ZNF431: variants seen among roughly 807,000 people sequenced by gnomAD.
ZNF431 encodes zinc finger protein 431.
ZNF431 carries 34 observed loss-of-function variants against 57.0 expected under a neutral mutation model. That is an observed-to-expected ratio of 0.60 (90% confidence interval 0.45 to 0.79). ZNF431 has a LOEUF of 0.79. Ranked by LOEUF, ZNF431 falls within the 30% of genes least tolerant of loss-of-function variation. ZNF431 has a pLI of 0.00. For synonymous variants in ZNF431, 207 were observed against 220.3 expected (o/e 0.94, Z 0.54); for missense variants, 607 against 667.1 (o/e 0.91, Z 0.99).
At position 21,187,024 on chromosome 19, in the gene ZNF431, C is replaced by A. The variant is rs1444716774; in HGVS notation, c.*2990C>A. ...ATATAAATGTAGCAAACATATATTA[C>A]AGTTTTCACTGTGTAATAGATTATC... On this transcript the variant is annotated 3_prime_UTR_variant, in exon 5 of 5. Coordinates refer to ENST00000311048, the MANE Select transcript of ZNF431 (RefSeq NM_133473.4). 6.6e-6 allele frequency: 1 copy of A among 152,156 alleles called. No individual in the cohort carries two copies. The highest frequency in any genetic ancestry group is 1.9e-4 in the East Asian group (1 of 5,194). 9.4% of individuals were successfully genotyped at this position (152,156 alleles called of 1,614,324 possible).
At chr19:21,163,363 A>G (rs368434784) in intron 2 of ZNF431, among the ~76,000 whole-genome samples, 1 of 152,216 alleles carries the variant, frequency 6.6e-6, no homozygotes, top group Non-Finnish European at 1.5e-5. Flanking sequence ...GCTGAGTGTA[A>G]GGGACTCTGT....
rs1385720788 is a variant in ZNF431 at position 21,146,424 on chromosome 19, AAAAG to A, written c.96+2784_96+2787del. Among the ~76,000 whole-genome samples, 323 of 151,652 alleles carry A rather than the reference AAAAG, an allele frequency of 2.1e-3. 1 individual carries two copies. Among genetic ancestry groups the A allele is most frequent in the East Asian group, 7.5e-3 (39 of 5,168 alleles). Reference sequence around the variant, plus strand: ...CACTCTGTCTGAAAAAAAAAAAAAAAAAAGAAGAAGAAAGAAAGTAAAGGAATAA... The same window carrying A: ...CACTCTGTCTGAAAAAAAAAAAAAAAAAGAAGAAAGAAAGTAAAGGAATAA... On this transcript the variant is annotated intron_variant, in intron 2 of 4. Transcript: ENST00000311048.
rs1016131209 is a variant in ZNF431, at chr19:21,195,917, T to C, written c.*11883T>C. 2 of 152,242 alleles carry C rather than the reference T, an allele frequency of 1.3e-5. No individual in the cohort carries two copies. Among genetic ancestry groups the C allele is most frequent in the Non-Finnish European group, 1.5e-5 (1 of 68,030 alleles). 9.4% of individuals were successfully genotyped at this position (152,242 alleles called of 1,614,324 possible). A position where few individuals can be genotyped will look rare whatever the true frequency, so the allele number is the denominator to read the frequency against. ...AGCAAAGCAATTATTTTTCTCTTTT[T>C]AACTGGAAATCATATTCGTAAGTTG... On this transcript the variant is annotated 3_prime_UTR_variant, in exon 5 of 5. Transcript: ENST00000311048.
intron 4 of ZNF431, among the ~76,000 whole-genome samples, chr19:21,169,340 C>T (rs1239935577): frequency 6.6e-6 from 1 of 152,114 alleles, no homozygotes; most frequent in African/African-American, 2.4e-5. Flanking sequence ...TTGACTAATT[C>T]TTGTGCCACA....
intron 4 of ZNF431, among the ~76,000 whole-genome samples, chr19:21,169,301 T>G (rs1161411275): frequency 6.6e-6 from 1 of 152,168 alleles, no homozygotes; most frequent in Non-Finnish European, 1.5e-5. Context: ...TTATTTCTCT[T>G]TAATTCCAAT....
chr19:21,149,862 G>A, intron 2 of ZNF431: 1 of 648,560 alleles, frequency 1.5e-6, no homozygotes, highest in Non-Finnish European at 2.9e-6. Flanking sequence ...GTCTTCCTGT[G>A]GACTAGACGT....
At chr19:21,177,838 A>T (rs950286663) in intron 4 of ZNF431, among the ~76,000 whole-genome samples, 2 of 151,938 alleles carry the variant, frequency 1.3e-5, no homozygotes, top group African/African-American at 4.8e-5. Flanking sequence ...GGGTTTTCAT[A>T]TGAGTTTTAA....
chr19:21,190,941 C>T lies in ZNF431; in HGVS notation c.*6907C>T, dbSNP rs1455452786. 3 of 151,980 alleles carry T rather than the reference C, an allele frequency of 2.0e-5. No individual in the cohort carries two copies. The highest frequency in any genetic ancestry group is 2.9e-5 in the Non-Finnish European group (2 of 68,008). 9.4% of individuals were successfully genotyped at this position (151,980 alleles called of 1,614,324 possible). A position where few individuals can be genotyped will look rare whatever the true frequency, so the allele number is the denominator to read the frequency against. On this transcript the variant is annotated 3_prime_UTR_variant, in exon 5 of 5. Coordinates refer to ENST00000311048, the MANE Select transcript of ZNF431 (RefSeq NM_133473.4). ...AAAGTGCTGAGATTACAGGCATGAG[C>T]CACCGCGTCCGGCCTATTATTTTTA... is the stretch of plus-strand genomic sequence containing the variant.
chr19:21,168,914 CTTTT>C (rs1207050355), intron 4 of ZNF431, among the ~76,000 whole-genome samples: 1 of 151,540 alleles, frequency 6.6e-6, no homozygotes, highest in African/African-American at 2.4e-5. Context: ...ACAAATTTTT[CTTTT>C]TTTTCTTTTT....
intron 2 of ZNF431, among the ~76,000 whole-genome samples, chr19:21,161,039 G>A (rs778575006): frequency 7.9e-5 from 12 of 152,036 alleles, no homozygotes; most frequent in Non-Finnish European, 1.6e-4. Context: ...TTGGTGGCAC[G>A]TGCCTGTAAT....
chr19:21,187,992 C>T lies in ZNF431; in HGVS notation c.*3958C>T, dbSNP rs1971418043. On this transcript the variant is annotated 3_prime_UTR_variant, in exon 5 of 5. Transcript: ENST00000311048. ...ACAGTTAAAAGGCAGCCAGGTGTGG[C>T]TCACGCCTGTAATCCCAGCACTGAG... The T allele has an allele frequency of 6.6e-6, 1 of 152,152 alleles. No homozygotes were observed. The highest frequency in any genetic ancestry group is 1.5e-5 in the Non-Finnish European group (1 of 68,052). 9.4% of individuals were successfully genotyped at this position (152,152 alleles called of 1,614,324 possible).
intron 4 of ZNF431, 135 bp from the exon 5 acceptor site, chr19:21,182,488 T>A: frequency 1.0e-6 from 1 of 990,066 alleles, no homozygotes; most frequent in South Asian, 2.0e-5. Context: ...TTTATATGTC[T>A]ATGAAGGATT....
At position 21,192,673 on chromosome 19, in the gene ZNF431, T is replaced by A. The variant is rs908262534; in HGVS notation, c.*8639T>A. On this transcript the variant is annotated 3_prime_UTR_variant, in exon 5 of 5. Transcript: ENST00000311048. ...GGCATCCTTGCCTTGTTCTAGCTCT[T>A]AGAGTAAAAGCTTACAACATATCCC... 21 of 152,188 alleles carry A rather than the reference T, an allele frequency of 1.4e-4. No individual in the cohort carries two copies. The highest frequency in any genetic ancestry group is 5.1e-4 in the African/African-American group (21 of 41,440). The allele number at this position is 152,188 out of a possible 1,614,324, so 9.4% of individuals were successfully genotyped here. A position where few individuals can be genotyped will look rare whatever the true frequency, so the allele number is the denominator to read the frequency against.
In ZNF431 at chr19:21,175,824, A is replaced by G. The variant is rs185541131; in HGVS notation, c.320-6799A>G. 4.9e-4 allele frequency among the ~76,000 whole-genome samples: 75 copies of G among 152,320 alleles called. 2 individuals are homozygous for G. The highest frequency in any genetic ancestry group is 1.8e-3 in the African/African-American group (74 of 41,572). On this transcript the variant is annotated intron_variant, in intron 4 of 4. Transcript: ENST00000311048. ...CCACATTTTCTTTATCCAGTCTGTC[A>G]TAGATGGGCATTTGGGTTGATGCCA... is the stretch of plus-strand genomic sequence containing the variant.
At chr19:21,144,846 T>G (rs1049396190) in intron 2 of ZNF431, among the ~76,000 whole-genome samples, 33 of 152,224 alleles carry the variant, frequency 2.2e-4, no homozygotes, top group African/African-American at 7.2e-4. Context: ...AGGGTGAATT[T>G]GTGACTAAAT....
In ZNF431 at chr19:21,176,226, G is replaced by C. The variant is rs1002270671; in HGVS notation, c.320-6397G>C. Among the ~76,000 whole-genome samples the C allele has an allele frequency of 1.3e-4, 19 of 142,522 alleles. No homozygotes were observed. The East Asian group carries it at 1.4e-3, about 11-fold the overall frequency. 93.5% of individuals were successfully genotyped at this position (142,522 alleles called of 152,430 possible). A position where few individuals can be genotyped will look rare whatever the true frequency, so the allele number is the denominator to read the frequency against. On this transcript the variant is annotated intron_variant, in intron 4 of 4. Coordinates refer to ENST00000311048, the MANE Select transcript of ZNF431 (RefSeq NM_133473.4). Reference sequence around the variant, plus strand: ...CTTCTTTTGAGAAGTGTTTCTTCTTGTTCTTTGCTCACTTTTTTTTTTTTT... The same window carrying C: ...CTTCTTTTGAGAAGTGTTTCTTCTTCTTCTTTGCTCACTTTTTTTTTTTTT...
chr19:21,161,219 G>A (rs895641359), intron 2 of ZNF431, among the ~76,000 whole-genome samples: 2 of 151,942 alleles, frequency 1.3e-5, no homozygotes, highest in Admixed American at 1.3e-4. Context: ...TACCATCCAG[G>A]AACTTTTAGT....
chr19:21,160,442 A>T (rs943344829), intron 2 of ZNF431, among the ~76,000 whole-genome samples: 1 of 152,206 alleles, frequency 6.6e-6, no homozygotes, highest in Non-Finnish European at 1.5e-5. Flanking sequence ...GTAAAATGTC[A>T]TGCTGGAGCA....
At chr19:21,148,819 G>A (rs1441825415) in intron 2 of ZNF431, among the ~76,000 whole-genome samples, 3 of 152,186 alleles carry the variant, frequency 2.0e-5, no homozygotes, top group African/African-American at 7.2e-5. Context: ...AGACACAAGT[G>A]TATATAAGGT....
Sources: gnomAD v4.1 joint callset for allele counts (sites outside exome capture counted in the v4.1 genomes callset) on GRCh38, gnomAD v4.1.1 for gene constraint, MANE v1.5 for transcripts, NCBI Gene and HGNC (gene_info 2026-07-23, HGNC 2026-07-21) for gene names.